SNTG1: variants seen among roughly 807,000 people sequenced by gnomAD.
SNTG1 encodes syntrophin gamma 1, also known as gamma-1-syntrophin.
SNTG1 carries 39 observed loss-of-function variants against 74.7 expected under a neutral mutation model. The observed-to-expected ratio is 0.52, with a 90% CI of 0.40 to 0.68. SNTG1 has a LOEUF of 0.68. Among genes scored for constraint, SNTG1 ranks in the 30% least tolerant of loss-of-function variants. SNTG1 has a pLI of 0.00. For missense variants in SNTG1, 685 were observed against 609.5 expected (o/e 1.12, Z -1.30); for synonymous variants, 254 against 217.1 (o/e 1.17, Z -1.49).
At chr8:50,608,059 T>C (rs1348575265) in intron 13 of SNTG1, among the ~76,000 whole-genome samples, 1 of 151,698 alleles carries the variant, frequency 6.6e-6, no homozygotes, top group Non-Finnish European at 1.5e-5. Context: ...ATTATGTTTT[T>C]AGTCAGAGAA....
chr8:50,532,206 C>G (rs774126745), intron 10 of SNTG1, among the ~76,000 whole-genome samples: 1 of 152,016 alleles, frequency 6.6e-6, no homozygotes, highest in African/African-American at 2.4e-5. Context: ...TTGAAAGTAT[C>G]ATGATGCTAT....
At chr8:50,461,533 C>G (rs2093562528) in intron 8 of SNTG1, among the ~76,000 whole-genome samples, 1 of 151,998 alleles carries the variant, frequency 6.6e-6, no homozygotes, top group Non-Finnish European at 1.5e-5. Context: ...TATTATTTAT[C>G]TGATCATTTT....
chr8:49,973,560 T>A (rs1329687869), intron 1 of SNTG1, among the ~76,000 whole-genome samples: 3 of 150,908 alleles, frequency 2.0e-5, no homozygotes, highest in Non-Finnish European at 4.4e-5. Flanking sequence ...CCAGATGAGA[T>A]GAAATTTACT....
At chr8:50,678,240 ATTCT>A (rs558754674) in intron 15 of SNTG1, among the ~76,000 whole-genome samples, 2 of 152,084 alleles carry the variant, frequency 1.3e-5, no homozygotes, top group South Asian at 4.2e-4. Context: ...TATATCAAAC[ATTCT>A]CTACCTCCTG....
chr8:50,638,107 T>C (rs745756116), intron 13 of SNTG1, among the ~76,000 whole-genome samples: 5 of 152,108 alleles, frequency 3.3e-5, no homozygotes, highest in Non-Finnish European at 5.9e-5. Context: ...ACTGGTGGCT[T>C]TCCAGATGGA....
At chr8:50,304,053 G>C (rs1474082033) in intron 2 of SNTG1, among the ~76,000 whole-genome samples, 2 of 152,132 alleles carry the variant, frequency 1.3e-5, no homozygotes, top group African/African-American at 2.4e-5. Flanking sequence ...AACTCATGTT[G>C]AAATTTAATT....
chr8:50,029,198 A>T (rs1265725557), intron 1 of SNTG1, among the ~76,000 whole-genome samples: 1 of 151,954 alleles, frequency 6.6e-6, no homozygotes. Flanking sequence ...TATATTTTTA[A>T]TTATTATAGG....
At position 49,958,596 on chromosome 8, in the gene SNTG1, A is replaced by T. The variant is rs181249020; in HGVS notation, c.-103+46365A>T. On this transcript the variant is annotated intron_variant, in intron 1 of 18. Transcript: ENST00000642720. ...CCACCACGCCTGGCTAATTTTGGTA[A>T]TTTTAGTAGAGACAAGGTTTCACCA... Among the ~76,000 whole-genome samples, 22 of 151,870 alleles carry T rather than the reference A, an allele frequency of 1.4e-4. No homozygotes were observed. The East Asian group carries it at 4.1e-3, about 28-fold the overall frequency.
intron 18 of SNTG1, among the ~76,000 whole-genome samples, chr8:50,792,136 TA>T (rs2095692709): frequency 1.3e-5 from 2 of 151,834 alleles, no homozygotes; most frequent in East Asian, 3.9e-4. Context: ...CAGCCACAAT[TA>T]AAATTAATGC....
chr8:50,571,941 G>C (rs542518782), intron 12 of SNTG1, among the ~76,000 whole-genome samples: 1 of 152,142 alleles, frequency 6.6e-6, no homozygotes, highest in Non-Finnish European at 1.5e-5. Context: ...CCCTGATGAG[G>C]GAGCAGAGGT....
intron 1 of SNTG1, among the ~76,000 whole-genome samples, chr8:50,024,081 A>G (rs1258093599): frequency 6.6e-6 from 1 of 152,208 alleles, no homozygotes; most frequent in East Asian, 1.9e-4. Flanking sequence ...GTAAGTTCCC[A>G]GGTGATGGCA....
At chr8:50,779,184 G>A (rs1000988355) in intron 18 of SNTG1, among the ~76,000 whole-genome samples, 11 of 152,078 alleles carry the variant, frequency 7.2e-5, no homozygotes, top group Admixed American at 1.3e-4. Flanking sequence ...TTCGCAATGC[G>A]AGCTCTTTTT....
chr8:50,298,678 T>C (rs2089502994), intron 2 of SNTG1, among the ~76,000 whole-genome samples: 1 of 151,750 alleles, frequency 6.6e-6, no homozygotes, highest in African/African-American at 2.4e-5. Context: ...TCAATTTTAT[T>C]ACCCTTTGGA....
chr8:50,545,644 A>T (rs955743842), intron 11 of SNTG1, among the ~76,000 whole-genome samples: 3 of 152,012 alleles, frequency 2.0e-5, no homozygotes, highest in Admixed American at 2.0e-4. Flanking sequence ...AGGTAGAATT[A>T]TCATCTACTG....
intron 1 of SNTG1, among the ~76,000 whole-genome samples, chr8:50,040,346 T>G (rs142219623): frequency 1.3e-3 from 195 of 152,328 alleles, no homozygotes; most frequent in African/African-American, 4.3e-3. Flanking sequence ...GACACAGACT[T>G]TTTGTTATAA....
intron 8 of SNTG1, among the ~76,000 whole-genome samples, chr8:50,487,101 T>C (rs1395582047): frequency 7.9e-5 from 12 of 152,166 alleles, no homozygotes; most frequent in Admixed American, 7.9e-4. Context: ...TCATCATCAC[T>C]GGCCATCAGA....
chr8:50,196,865 C>T (rs534689620), intron 2 of SNTG1, among the ~76,000 whole-genome samples: 38 of 151,798 alleles, frequency 2.5e-4, no homozygotes, highest in Admixed American at 2.4e-3. Context: ...ACCTGTAATC[C>T]CAGCTACTCA....
intron 2 of SNTG1, among the ~76,000 whole-genome samples, chr8:50,366,353 C>T (rs2092109750): frequency 6.6e-6 from 1 of 152,134 alleles, no homozygotes; most frequent in Non-Finnish European, 1.5e-5. Context: ...AGCCTTTTTA[C>T]TACGCTGTGC....
intron 2 of SNTG1, among the ~76,000 whole-genome samples, chr8:50,386,527 T>G (rs1172829337): frequency 6.6e-6 from 1 of 152,084 alleles, no homozygotes; most frequent in African/African-American, 2.4e-5. Flanking sequence ...TTAGTTCATT[T>G]GTATTGCTAT....
Sources: gnomAD v4.1 joint callset for allele counts (sites outside exome capture counted in the v4.1 genomes callset) on GRCh38, gnomAD v4.1.1 for gene constraint, MANE v1.5 for transcripts, NCBI Gene and HGNC (gene_info 2026-07-23, HGNC 2026-07-21) for gene names.